AMMECR1: variants seen among roughly 807,000 people sequenced by gnomAD.
AMMECR1 encodes the protein nuclear protein AMMECR1.
A neutral mutation model predicts 22.5 loss-of-function variants in AMMECR1; 3 were observed. The observed-to-expected ratio is 0.13, with a 90% CI of 0.06 to 0.35. The LOEUF (loss-of-function observed/expected upper bound fraction) is 0.35. Among genes scored for constraint, AMMECR1 ranks in the 10% least tolerant of loss-of-function variants. The pLI is 1.00. For missense variants in AMMECR1, 235 were observed against 278.7 expected, an observed-to-expected ratio of 0.84 and a Z score of 1.12; for synonymous variants, 130 against 116.7, an observed-to-expected ratio of 1.11 and a Z score of -0.74.
At chrX:110,291,780 A>G (rs1200362305) in intron 1 of AMMECR1, among the ~76,000 whole-genome samples, 1 of 112,142 alleles carries the variant, frequency 8.9e-6, no homozygotes, top group Non-Finnish European at 1.9e-5. Flanking sequence ...TAGTTTCCCA[A>G]GCCATGTGCC....
intron 2 of AMMECR1, among the ~76,000 whole-genome samples, chrX:110,338,530 A>T (rs2068149556): frequency 8.9e-6 from 1 of 112,235 alleles, no homozygotes; most frequent in African/African-American, 3.2e-5. Flanking sequence ...CCGTTTTTCT[A>T]AATTATCTAA....
rs776918634 is a variant in AMMECR1 at position 110,253,820 on chromosome X, T to A, written c.584+10669A>T. The stretch of plus-strand genomic sequence containing the variant: ...CAAAGACCTTTTCTCTAATGTCACA[T>A]TGACACTCTTCAAAGAGTTTGTGAA... On this transcript the variant is annotated intron_variant, in intron 2 of 5. Transcript: ENST00000262844. Among the ~76,000 whole-genome samples the A allele has an allele frequency of 1.1e-4, 12 of 112,205 alleles. No individual in the cohort carries two copies. In the Admixed American group the frequency reaches 1.1e-3, roughly 11 times the overall value.
chrX:110,298,545 C>T (rs866797727), intron 1 of AMMECR1, among the ~76,000 whole-genome samples: 30 of 110,400 alleles, frequency 2.7e-4, no homozygotes, highest in African/African-American at 9.5e-4. Context: ...GAAGAGTAAG[C>T]GAAAAGAAAG....
chrX:110,303,596 A>G (rs1448749269), intron 1 of AMMECR1, among the ~76,000 whole-genome samples: 1 of 112,184 alleles, frequency 8.9e-6, no homozygotes, highest in Non-Finnish European at 1.9e-5. Flanking sequence ...ATTATTACAT[A>G]GGGTCAACAT....
intron 2 of AMMECR1, among the ~76,000 whole-genome samples, chrX:110,225,333 T>C (rs1426239164): frequency 8.9e-6 from 1 of 112,524 alleles, no homozygotes; most frequent in Non-Finnish European, 1.9e-5. Context: ...AGGAAACTCA[T>C]AGAAGTGTCA....
At chrX:110,388,917 C>G (rs980691401) in intron 2 of AMMECR1, among the ~76,000 whole-genome samples, 1 of 112,266 alleles carries the variant, frequency 8.9e-6, no homozygotes, top group African/African-American at 3.2e-5. Context: ...GGCTAGGAAA[C>G]CAGAATGGTC....
At chrX:110,291,170 A>T (rs1488926679) in intron 1 of AMMECR1, among the ~76,000 whole-genome samples, 2 of 111,417 alleles carry the variant, frequency 1.8e-5, no homozygotes, top group Non-Finnish European at 3.8e-5. Flanking sequence ...GAAGACAGAA[A>T]ATATAAAGAA....
intron 2 of AMMECR1, among the ~76,000 whole-genome samples, chrX:110,352,348 G>A (rs141335094): frequency 2.2e-4 from 25 of 112,156 alleles, no homozygotes; most frequent in African/African-American, 7.4e-4. Flanking sequence ...AACAAATGGT[G>A]GTATACCCAT....
chrX:110,343,581 T>C (rs1455879265), intron 2 of AMMECR1, among the ~76,000 whole-genome samples: 3 of 111,285 alleles, frequency 2.7e-5, no homozygotes, highest in African/African-American at 9.8e-5. Context: ...CATGACTGTA[T>C]ATCTAGAAAA....
intron 3 of AMMECR1, among the ~76,000 whole-genome samples, chrX:110,205,409 C>T (rs1318129641): frequency 1.8e-5 from 2 of 112,023 alleles, no homozygotes; most frequent in African/African-American, 6.5e-5. Flanking sequence ...TTCCCTTATA[C>T]ATATTGGAGA....
chrX:110,418,976 C>G (rs1180477992), intron 2 of AMMECR1: 1 of 109,749 alleles, frequency 9.1e-6, no homozygotes, highest in Non-Finnish European at 1.9e-5. Flanking sequence ...CTATGACTCA[C>G]CAACAAAAAC....
At position 110,203,242 on chromosome X, in the gene AMMECR1, G is replaced by C. The variant is rs1218761782; in HGVS notation, c.700-706C>G. The stretch of plus-strand genomic sequence containing the variant: ...CACTTCACTGTAGTGCATTATTGCA[G>C]TCTCTTTATATACTAGCCCAGAGAC... On this transcript the variant is annotated intron_variant, in intron 3 of 5. Transcript: ENST00000262844. 1.1e-4 allele frequency among the ~76,000 whole-genome samples: 12 copies of C among 111,897 alleles called. 1 individual carries two copies. Among genetic ancestry groups the C allele is most frequent in the African/African-American group, 3.9e-4 (12 of 30,834 alleles).
intron 1 of AMMECR1, among the ~76,000 whole-genome samples, chrX:110,313,576 G>C (rs1298900568): frequency 8.9e-6 from 1 of 112,039 alleles, no homozygotes; most frequent in Non-Finnish European, 1.9e-5. Flanking sequence ...AGAATCATAA[G>C]AGCATTTTAT....
At chrX:110,281,777 T>G (rs2067853954) in intron 1 of AMMECR1, among the ~76,000 whole-genome samples, 2 of 112,324 alleles carry the variant, frequency 1.8e-5, no homozygotes, top group Admixed American at 1.9e-4. Flanking sequence ...GATACCACAA[T>G]TTAGTAATCT....
At chrX:110,231,504 T>C (rs2067566046) in intron 2 of AMMECR1, among the ~76,000 whole-genome samples, 1 of 111,855 alleles carries the variant, frequency 8.9e-6, no homozygotes. Flanking sequence ...TTACAAGAGC[T>C]CCTGAAGGAA....
In AMMECR1 at chrX:110,274,630, A is replaced by T. The variant is rs191922667; in HGVS notation, c.474-10031T>A. 9.8e-4 allele frequency among the ~76,000 whole-genome samples: 109 copies of T among 111,790 alleles called. 1 individual carries two copies. Among genetic ancestry groups the T allele is most frequent in the Non-Finnish European group, 1.5e-3 (80 of 53,071 alleles). On this transcript the variant is annotated intron_variant, in intron 1 of 5. Coordinates refer to ENST00000262844, the MANE Select transcript of AMMECR1 (RefSeq NM_015365.3). ...AACATACCTGTGTCTTTATCCTTAA[A>T]GTGGGTTTCTTATACACAGTATATG...
At chrX:110,376,597 T>C (rs747557343) in intron 2 of AMMECR1, among the ~76,000 whole-genome samples, 1 of 112,322 alleles carries the variant, frequency 8.9e-6, no homozygotes, top group Admixed American at 9.4e-5. Context: ...CTCTGCCCTA[T>C]GAGGCAGCAC....
At chrX:110,222,285 T>C (rs1486479395) in intron 2 of AMMECR1, among the ~76,000 whole-genome samples, 1 of 89,818 alleles carries the variant, frequency 1.1e-5, no homozygotes, top group Non-Finnish European at 2.2e-5. Context: ...GATGAGTTCA[T>C]GTCCTTTGTA....
Position 110,360,748 on chromosome X carries a change from C to A in AMMECR1, c.-147-42899G>T, listed in dbSNP as rs1569414394. Among the ~76,000 whole-genome samples the A allele has an allele frequency of 2.7e-5, 3 of 110,927 alleles. No individual in the cohort carries two copies. The East Asian group carries it at 8.5e-4, about 32-fold the overall frequency. ...AGTTGACATTTGGAGGCAAGGAAACCAGTTAGGAGGCTATTGTAAAAGCCA... is the reference window on the plus strand; with the variant it reads ...AGTTGACATTTGGAGGCAAGGAAACAAGTTAGGAGGCTATTGTAAAAGCCA... On this transcript the variant is annotated intron_variant, in intron 2 of 7. Coordinates refer to the AMMECR1 transcript ENST00000372057.
Sources: allele counts gnomAD v4.1 joint callset (sites outside exome capture counted in the v4.1 genomes callset), GRCh38; gene constraint gnomAD v4.1.1; transcripts MANE v1.5; gene names NCBI Gene and HGNC (gene_info 2026-07-23, HGNC 2026-07-21).